Variants in NBEA observed in about 807,000 individuals in gnomAD.
NBEA encodes the protein neurobeachin, also known as lysosomal-trafficking regulator 2.
A neutral mutation model predicts 343.4 loss-of-function variants in NBEA; 44 were observed. The ratio of observed to expected loss-of-function variants is 0.13; its 90% confidence interval spans 0.10 to 0.16. The LOEUF is 0.16. Among genes scored for constraint, NBEA ranks in the 10% least tolerant of loss-of-function variants. The pLI is 1.00. For missense variants in NBEA, 2,555 were observed against 3,631.3 expected, an observed-to-expected ratio of 0.70 and a Z score of 7.62; for synonymous variants, 1,175 against 1,238.7, an observed-to-expected ratio of 0.95 and a Z score of 1.08.
chr13:35,112,717 T>G (rs575244287), intron 13 of NBEA, among the ~76,000 whole-genome samples: 1 of 152,222 alleles, frequency 6.6e-6, no homozygotes. Flanking sequence ...TTACATCTTA[T>G]CACTTTAGCC....
chr13:35,625,452 G>C (rs1490882059), intron 48 of NBEA, among the ~76,000 whole-genome samples: 1 of 151,778 alleles, frequency 6.6e-6, no homozygotes, highest in East Asian at 1.9e-4. Context: ...CCCTGTCCCT[G>C]CAATACAAAA....
chr13:35,029,274 T>C (rs1331596844), intron 1 of NBEA, among the ~76,000 whole-genome samples: 1 of 151,084 alleles, frequency 6.6e-6, no homozygotes, highest in African/African-American at 2.4e-5. Context: ...TGCTGTGGTG[T>C]GGATGGCTGT....
intron 1 of NBEA, among the ~76,000 whole-genome samples, chr13:35,007,698 G>C (rs115026980): frequency 6.6e-6 from 1 of 152,064 alleles, no homozygotes; most frequent in Admixed American, 6.6e-5. Context: ...TTACCCTGTT[G>C]CCCAGGCTGG....
intron 33 of NBEA, among the ~76,000 whole-genome samples, chr13:35,225,962 A>G (rs1433472115): frequency 1.3e-5 from 2 of 152,068 alleles, no homozygotes. Context: ...TAAAAGTTCA[A>G]ATTCTTAGTT....
intron 10 of NBEA, among the ~76,000 whole-genome samples, chr13:35,085,137 C>T (rs1313057868): frequency 2.6e-5 from 4 of 152,162 alleles, no homozygotes; most frequent in African/African-American, 7.2e-5. Context: ...GATTCACAGC[C>T]GAATTCTACC....
intron 35 of NBEA, among the ~76,000 whole-genome samples, chr13:35,303,198 G>T (rs1385134896): frequency 6.6e-6 from 1 of 151,954 alleles, no homozygotes; most frequent in African/African-American, 2.4e-5. Context: ...TGGAAAATGA[G>T]AACCCAGTTA....
chr13:35,188,457 T>C (rs2071896968), intron 30 of NBEA, among the ~76,000 whole-genome samples: 1 of 152,146 alleles, frequency 6.6e-6, no homozygotes, highest in Non-Finnish European at 1.5e-5. Context: ...AGTTCAACTT[T>C]TTAAGATTCC....
chr13:35,451,604 G>A lies in NBEA; in HGVS notation c.6305-488G>A, dbSNP rs560993641. ...TCCCCTCACATGTGAATGGTTTCTC[G>A]TTTGCTGCATACTTATCCACTTTCA... On this transcript the variant is annotated intron_variant, in intron 39 of 58. Coordinates refer to ENST00000379939, the MANE Select transcript of NBEA (RefSeq NM_001385012.1). Among the ~76,000 whole-genome samples the A allele has an allele frequency of 4.6e-5, 7 of 152,192 alleles. No individual in the cohort carries two copies. The South Asian group carries it at 1.2e-3, about 27-fold the overall frequency.
At chr13:34,989,979 C>A (rs913200129) in intron 1 of NBEA, among the ~76,000 whole-genome samples, 35 of 151,066 alleles carry the variant, frequency 2.3e-4, no homozygotes, top group African/African-American at 7.7e-4. Context: ...TTTAAAGCTC[C>A]AAAATAATTT....
chr13:35,001,740 TAGG>T (rs761107126), intron 1 of NBEA, among the ~76,000 whole-genome samples: 5 of 152,062 alleles, frequency 3.3e-5, no homozygotes, highest in African/African-American at 4.8e-5. Context: ...TACATTTAGA[TAGG>T]AGGAGCACTG....
At chr13:35,169,223 C>T (rs2070275985) in intron 25 of NBEA, among the ~76,000 whole-genome samples, 1 of 151,490 alleles carries the variant, frequency 6.6e-6, no homozygotes, top group East Asian at 1.9e-4. Flanking sequence ...TCATATTGAA[C>T]ACAATGGTGT....
intron 17 of NBEA, among the ~76,000 whole-genome samples, chr13:35,128,587 A>T (rs1034810593): frequency 9.2e-5 from 14 of 152,130 alleles, no homozygotes; most frequent in Non-Finnish European, 1.8e-4. Flanking sequence ...TTATACTACA[A>T]GTCAGTAAGT....
intron 49 of NBEA, among the ~76,000 whole-genome samples, chr13:35,630,316 G>A (rs574107805): frequency 6.6e-6 from 1 of 152,228 alleles, no homozygotes; most frequent in East Asian, 1.9e-4. Flanking sequence ...GACAGTGAAA[G>A]AATTGTGTAT....
chr13:35,343,987 C>T (rs2039735811), intron 36 of NBEA, among the ~76,000 whole-genome samples: 1 of 152,044 alleles, frequency 6.6e-6, no homozygotes, highest in Non-Finnish European at 1.5e-5. Flanking sequence ...GTCCATGAAA[C>T]TAGTCCCTGG....
At chr13:35,271,297 A>G (rs1224698390) in intron 34 of NBEA, among the ~76,000 whole-genome samples, 1 of 152,234 alleles carries the variant, frequency 6.6e-6, no homozygotes, top group Non-Finnish European at 1.5e-5. Flanking sequence ...ACAAACAGAA[A>G]GGAATAACAT....
At chr13:35,243,183 GAAGTT>G (rs1157081471) in intron 34 of NBEA, among the ~76,000 whole-genome samples, 1 of 151,908 alleles carries the variant, frequency 6.6e-6, no homozygotes, top group East Asian at 1.9e-4. Flanking sequence ...ATATGCGATT[GAAGTT>G]AAGTTGTTCA....
At chr13:35,059,050 ATTC>A in intron 8 of NBEA, among the ~76,000 whole-genome samples, 187 bp downstream of exon 8, 1 of 152,104 alleles carries the variant, frequency 6.6e-6, no homozygotes, top group African/African-American at 2.4e-5. Flanking sequence ...ATAAACTTTT[ATTC>A]TTCAGAATAT....
intron 17 of NBEA, among the ~76,000 whole-genome samples, chr13:35,133,509 A>G (rs2067543286): frequency 6.6e-6 from 1 of 152,026 alleles, no homozygotes; most frequent in East Asian, 1.9e-4. Context: ...AGAAAGTCTC[A>G]TGTGTGTGAA....
intron 31 of NBEA, among the ~76,000 whole-genome samples, chr13:35,207,404 C>A (rs2073465302): frequency 6.6e-6 from 1 of 151,772 alleles, no homozygotes; most frequent in African/African-American, 2.4e-5. Flanking sequence ...AGTTTCCAAG[C>A]ATTACATTTG....
Sources: gnomAD v4.1 joint callset for allele counts (sites outside exome capture counted in the v4.1 genomes callset) on GRCh38, gnomAD v4.1.1 for gene constraint, MANE v1.5 for transcripts, NCBI Gene and HGNC (gene_info 2026-07-23, HGNC 2026-07-21) for gene names.